Variants in ATE1 observed in about 807,000 individuals in gnomAD.
The protein encoded by ATE1 is arginyltransferase 1, also known as arginyl-tRNA--protein transferase 1.
Under a neutral mutation model 70.5 loss-of-function variants are expected in ATE1, and 36 were observed. That is an observed-to-expected ratio of 0.51 (90% confidence interval 0.39 to 0.67). ATE1 has a LOEUF of 0.67. Ranked by LOEUF, ATE1 falls within the 30% of genes least tolerant of loss-of-function variation. The pLI, the probability that ATE1 is intolerant of heterozygous loss-of-function variation, is 0.00. For synonymous variants in ATE1, 232 were observed against 219.3 expected (o/e 1.06, Z -0.51); for missense variants, 593 against 629.5 (o/e 0.94, Z 0.62).
Position 121,927,901 on chromosome 10 carries a change from T to C in ATE1, c.49A>G (p.Ser17Gly). ...GSPSVVDYFPSEDFYRCGYCK... is the reference protein window; with the variant it reads ...GSPSVVDYFPGEDFYRCGYCK... ...TAGCCGCAGCGGTAGAAGTCCTCGC[T>C]AGGGAAATAGTCCACGACGCTGGGC... Residue 17 changes from serine to glycine, a missense_variant, in exon 1 of 12, where the codon AGC becomes GGC. By Grantham distance (56) the Ser-to-Gly change is moderately conservative. This residue lies in a region of ATE1 where 467 missense variants were observed against 469.6 expected (regional missense o/e 0.99). Coordinates refer to ENST00000224652, the MANE Select transcript of ATE1 (RefSeq NM_001001976.3). The C allele has an allele frequency of 6.3e-7, 1 of 1,592,534 alleles. No individual in the cohort carries two copies. The highest frequency in any genetic ancestry group is 8.5e-7 in the Non-Finnish European group (1 of 1,172,172).
At chr10:121,807,482 C>CTT (rs1947143003) in intron 10 of ATE1, among the ~76,000 whole-genome samples, 1 of 152,190 alleles carries the variant, frequency 6.6e-6, no homozygotes, top group Non-Finnish European at 1.5e-5. Flanking sequence ...GTTCTAGAGA[C>CTT]ACCAGGGCAA....
At chr10:121,900,290 C>T (rs2134295497) in intron 6 of ATE1, among the ~76,000 whole-genome samples, 1 of 152,292 alleles carries the variant, frequency 6.6e-6, no homozygotes, top group Admixed American at 6.5e-5. Context: ...AGCACTCGTA[C>T]ACACACGACA....
chr10:121,846,187 C>G (rs1429431204), intron 8 of ATE1, among the ~76,000 whole-genome samples: 2 of 150,242 alleles, frequency 1.3e-5, no homozygotes, highest in African/African-American at 2.4e-5. Context: ...CAATGGAGCA[C>G]AGAAGTCTAT....
chr10:121,779,459 C>T (rs1041181807), intron 11 of ATE1, among the ~76,000 whole-genome samples: 2 of 152,184 alleles, frequency 1.3e-5, no homozygotes, highest in African/African-American at 2.4e-5. Flanking sequence ...AAGTGCTCAA[C>T]CTACTGTTGC....
chr10:121,900,612 A>G (rs1950942691), intron 6 of ATE1, among the ~76,000 whole-genome samples: 1 of 152,268 alleles, frequency 6.6e-6, no homozygotes, highest in African/African-American at 2.4e-5. Flanking sequence ...TTACTTTAAC[A>G]TTATTTACTA....
intron 8 of ATE1, among the ~76,000 whole-genome samples, chr10:121,851,767 TTAAC>T (rs563915520): frequency 3.9e-4 from 59 of 152,358 alleles, no homozygotes; most frequent in Middle Eastern, 3.4e-3. Flanking sequence ...AAAGAATTAA[TTAAC>T]TAATTCCTCA....
At chr10:121,826,716 T>A (rs1948033050) in intron 10 of ATE1, among the ~76,000 whole-genome samples, 1 of 152,228 alleles carries the variant, frequency 6.6e-6, no homozygotes, top group African/African-American at 2.4e-5. Flanking sequence ...ATCTGTCACC[T>A]AGGTAGTGCG....
intron 11 of ATE1, among the ~76,000 whole-genome samples, chr10:121,753,893 G>A (rs911693225): frequency 1.3e-5 from 2 of 152,202 alleles, no homozygotes; most frequent in Admixed American, 6.5e-5. Context: ...ACATTTGTGA[G>A]TTCAGGCTGG....
intron 10 of ATE1, among the ~76,000 whole-genome samples, chr10:121,816,138 T>C (rs1388573794): frequency 1.3e-5 from 2 of 152,326 alleles, no homozygotes; most frequent in African/African-American, 2.4e-5. Context: ...TTTGTTAAAA[T>C]AGTGTTTAGA....
At chr10:121,916,059 ACC>A (rs1244849075) in intron 3 of ATE1, among the ~76,000 whole-genome samples, 3 of 149,602 alleles carry the variant, frequency 2.0e-5, no homozygotes, top group Non-Finnish European at 4.4e-5. Context: ...ACAAGGTGAA[ACC>A]CCGTCTCTAC....
Position 121,753,447 on chromosome 10 carries a change from T to C in ATE1, c.1379-9589A>G, listed in dbSNP as rs1944668434. Among the ~76,000 whole-genome samples, 4 of 152,268 alleles carry C rather than the reference T, an allele frequency of 2.6e-5. No homozygotes were observed. In the South Asian group the frequency reaches 8.3e-4, roughly 32 times the overall value. ...AACAAAATATAAATTATATAATTTA[T>C]CAAGATGATTCTAGCCAGAAAGAAC... is the stretch of plus-strand genomic sequence containing the variant. On this transcript the variant is annotated intron_variant, in intron 11 of 11. Coordinates refer to ENST00000224652, the MANE Select transcript of ATE1 (RefSeq NM_001001976.3).
At chr10:121,775,321 G>A (rs1945689008) in intron 11 of ATE1, among the ~76,000 whole-genome samples, 2 of 152,072 alleles carry the variant, frequency 1.3e-5, no homozygotes, top group Non-Finnish European at 2.9e-5. Context: ...GTCAGAGAGT[G>A]GGGGGCAAGG....
chr10:121,900,854 T>C (rs911357486), intron 6 of ATE1, among the ~76,000 whole-genome samples: 3 of 152,204 alleles, frequency 2.0e-5, no homozygotes, highest in African/African-American at 4.8e-5. Context: ...ACATTACTAT[T>C]TATGATCAAA....
intron 7 of ATE1, among the ~76,000 whole-genome samples, chr10:121,893,584 TAAC>T (rs904230582): frequency 1.3e-5 from 2 of 152,040 alleles, no homozygotes; most frequent in African/African-American, 2.4e-5. Context: ...GTAATATGTA[TAAC>T]AATAATGGCA....
chr10:121,893,624 G>T (rs748601450), intron 7 of ATE1, among the ~76,000 whole-genome samples: 2 of 151,898 alleles, frequency 1.3e-5, no homozygotes, highest in African/African-American at 4.8e-5. Flanking sequence ...GGACTAAAAT[G>T]ATACAGAAGT....
At chr10:121,809,062 A>G (rs1157318593) in intron 10 of ATE1, among the ~76,000 whole-genome samples, 2 of 152,214 alleles carry the variant, frequency 1.3e-5, no homozygotes, top group African/African-American at 4.8e-5. Flanking sequence ...CCAATTATCA[A>G]TCATGTTTTC....
chr10:121,904,132 G>A (rs1051982818), intron 5 of ATE1, among the ~76,000 whole-genome samples: 2 of 151,512 alleles, frequency 1.3e-5, no homozygotes, highest in African/African-American at 2.4e-5. Context: ...ACAGGTGTGT[G>A]CCACCATGCC....
intron 10 of ATE1, among the ~76,000 whole-genome samples, chr10:121,814,375 T>A (rs1947451296): frequency 6.6e-6 from 1 of 152,150 alleles, no homozygotes; most frequent in African/African-American, 2.4e-5. Context: ...TCTAGCAAAA[T>A]GATTCGCACA....
At chr10:121,744,400 C>T (rs1944263074) in intron 11 of ATE1, among the ~76,000 whole-genome samples, 1 of 152,074 alleles carries the variant, frequency 6.6e-6, no homozygotes, top group Non-Finnish European at 1.5e-5. Flanking sequence ...AGGATGACAG[C>T]TGAAACACCA....
Sources: gnomAD v4.1 joint callset for allele counts (sites outside exome capture counted in the v4.1 genomes callset) on GRCh38, gnomAD v4.1.1 for gene constraint, gnomAD v4.1.1 regional missense constraint, MANE v1.5 for transcripts, NCBI Gene and HGNC (gene_info 2026-07-23, HGNC 2026-07-21) for gene names.